BBS9: variants seen among roughly 807,000 people sequenced by gnomAD.
The protein encoded by BBS9 is Bardet-Biedl syndrome 9, also known as protein PTHB1.
BBS9 carries 89 observed loss-of-function variants against 117.7 expected under a neutral mutation model. The ratio of observed to expected loss-of-function variants is 0.76; its 90% CI spans 0.64 to 0.90. The LOEUF (loss-of-function observed/expected upper bound fraction) is 0.90, where lower values mean the gene tolerates loss of function less well. Among genes scored for constraint, BBS9 ranks in the 40% least tolerant of loss-of-function variants. The probability of loss-of-function intolerance (pLI) is 0.00; values close to 1 mark genes in which losing one functional copy is unlikely to be tolerated. For missense variants in BBS9, 982 were observed against 1,042.2 expected, an observed-to-expected ratio of 0.94 and a Z score of 0.80; for synonymous variants, 379 against 370.9, an observed-to-expected ratio of 1.02 and a Z score of -0.25.
chr7:33,219,214 G>C (rs1416876664), intron 5 of BBS9, among the ~76,000 whole-genome samples: 1 of 152,184 alleles, frequency 6.6e-6, no homozygotes, highest in Non-Finnish European at 1.5e-5. Flanking sequence ...CCTTCCCGTG[G>C]GGCAGGGCTC....
chr7:33,269,474 C>G (rs951736116), intron 7 of BBS9, among the ~76,000 whole-genome samples: 1 of 152,118 alleles, frequency 6.6e-6, no homozygotes. Context: ...GAGACAAGAC[C>G]CTTGGCTCCA....
At chr7:33,141,851 A>G (rs1791513922) in intron 1 of BBS9, among the ~76,000 whole-genome samples, 1 of 151,806 alleles carries the variant, frequency 6.6e-6, no homozygotes. Context: ...GTAATTATTT[A>G]ATATTTTAGC....
intron 9 of BBS9, among the ~76,000 whole-genome samples, chr7:33,323,968 G>T (rs1475871293): frequency 6.6e-6 from 1 of 151,436 alleles, no homozygotes; most frequent in Non-Finnish European, 1.5e-5. Flanking sequence ...CTCTCGAGCA[G>T]CTGAGATTAC....
intron 21 of BBS9, among the ~76,000 whole-genome samples, chr7:33,597,888 CAAAACA>C: frequency 7.6e-6 from 1 of 132,286 alleles, no homozygotes; most frequent in Non-Finnish European, 1.6e-5. Flanking sequence ...AAAAAAAAAA[CAAAACA>C]AAAACAAATA....
At chr7:33,224,775 G>A (rs1170014422) in intron 5 of BBS9, among the ~76,000 whole-genome samples, 3 of 152,128 alleles carry the variant, frequency 2.0e-5, no homozygotes, top group South Asian at 2.1e-4. Flanking sequence ...GACTGGTCAG[G>A]TTCAGGTTTG....
chr7:33,496,457 A>C (rs1844728098), intron 19 of BBS9, among the ~76,000 whole-genome samples: 2 of 151,914 alleles, frequency 1.3e-5, no homozygotes, highest in Admixed American at 1.3e-4. Context: ...GTGAGCTGAA[A>C]TTGTGACATT....
At chr7:33,521,672 A>G (rs1848617510) in intron 20 of BBS9, among the ~76,000 whole-genome samples, 1 of 152,070 alleles carries the variant, frequency 6.6e-6, no homozygotes, top group Non-Finnish European at 1.5e-5. Flanking sequence ...AAGATGGCAT[A>G]TAGACCATAT....
At chr7:33,362,876 T>TGGAGA (rs1820890603) in intron 16 of BBS9, among the ~76,000 whole-genome samples, 1 of 152,060 alleles carries the variant, frequency 6.6e-6, no homozygotes, top group African/African-American at 2.4e-5. Flanking sequence ...TTAACAATAT[T>TGGAGA]GAACATGGTA....
chr7:33,269,243 C>G (rs7783612), intron 7 of BBS9, among the ~76,000 whole-genome samples: 21,777 of 152,194 alleles, frequency 0.14, 1,852 homozygotes, highest in Non-Finnish European at 0.19. Context: ...TGTGACTTTT[C>G]ATGATCTTTT....
At chr7:33,498,378 A>C (rs1205623435) in intron 19 of BBS9, among the ~76,000 whole-genome samples, 1 of 152,166 alleles carries the variant, frequency 6.6e-6, no homozygotes. Flanking sequence ...CAATTCAGTC[A>C]TTTAAAGAGT....
intron 19 of BBS9, among the ~76,000 whole-genome samples, chr7:33,442,488 C>T (rs1836355444): frequency 6.6e-6 from 1 of 152,126 alleles, no homozygotes; most frequent in Non-Finnish European, 1.5e-5. Flanking sequence ...AACATTTCAT[C>T]AAATTATTAC....
At chr7:33,460,901 C>T (rs1045631134) in intron 19 of BBS9, among the ~76,000 whole-genome samples, 3 of 152,022 alleles carry the variant, frequency 2.0e-5, no homozygotes, top group Non-Finnish European at 2.9e-5. Context: ...TAACCCATTT[C>T]CCTAGACCCT....
At chr7:33,361,786 T>G (rs1820667532) in intron 16 of BBS9, among the ~76,000 whole-genome samples, 1 of 152,118 alleles carries the variant, frequency 6.6e-6, no homozygotes, top group African/African-American at 2.4e-5. Flanking sequence ...ATGATCTCTA[T>G]TCTAAGATTA....
intron 20 of BBS9, among the ~76,000 whole-genome samples, chr7:33,524,658 T>A (rs1396228063): frequency 6.6e-6 from 1 of 152,166 alleles, no homozygotes. Flanking sequence ...TTATTAGTCT[T>A]GCTAGCGGTC....
At chr7:33,515,153 A>G (rs1847556469) in intron 20 of BBS9, among the ~76,000 whole-genome samples, 1 of 152,212 alleles carries the variant, frequency 6.6e-6, no homozygotes, top group Non-Finnish European at 1.5e-5. Context: ...TTAAACTATG[A>G]TGTAATAGTT....
chr7:33,483,691 C>T (rs770521361), intron 19 of BBS9, among the ~76,000 whole-genome samples: 53 of 151,768 alleles, frequency 3.5e-4, no homozygotes, highest in Non-Finnish European at 6.8e-4. Context: ...AGTGCAGTGG[C>T]GTGATCATGC....
At chr7:33,453,584 C>T (rs937230331) in intron 19 of BBS9, among the ~76,000 whole-genome samples, 23 of 151,046 alleles carry the variant, frequency 1.5e-4, no homozygotes, top group African/African-American at 4.4e-4. Context: ...TTCAATGGCA[C>T]GATCTTGGCT....
intron 19 of BBS9, among the ~76,000 whole-genome samples, chr7:33,455,639 G>T (rs1041307045): frequency 1.3e-5 from 2 of 152,078 alleles, no homozygotes; most frequent in African/African-American, 2.4e-5. Context: ...GGTGACTATG[G>T]CATTAGAGGC....
intron 9 of BBS9, among the ~76,000 whole-genome samples, chr7:33,291,594 G>T (rs1804057583): frequency 6.6e-6 from 1 of 152,098 alleles, no homozygotes; most frequent in South Asian, 2.1e-4. Flanking sequence ...ATATTAAAAT[G>T]GATTAATGAA....
Sources: gnomAD v4.1 joint callset for allele counts (sites outside exome capture counted in the v4.1 genomes callset) on GRCh38, gnomAD v4.1.1 for gene constraint, MANE v1.5 for transcripts, NCBI Gene and HGNC (gene_info 2026-07-23, HGNC 2026-07-21) for gene names.